The following HMGCLL1 variants were observed in gnomAD, a reference collection of about 807,000 sequenced individuals.
HMGCLL1 encodes the protein 3-hydroxymethyl-3-methylglutaryl-CoA lyase, cytoplasmic.
In HMGCLL1, 36 loss-of-function variants were observed where a neutral mutation model predicts 39.1. That is an observed-to-expected ratio of 0.92 (90% CI 0.71 to 1.22). The LOEUF is 1.22. Among genes scored for constraint, HMGCLL1 ranks in the 50% most tolerant of loss-of-function variants. The pLI, the probability that HMGCLL1 is intolerant of heterozygous loss-of-function variation, is 0.00. For synonymous variants in HMGCLL1, 149 were observed against 144.0 expected (o/e 1.03, Z -0.25); for missense variants, 451 against 416.5 (o/e 1.08, Z -0.72).
At chr6:55,436,712 G>A (rs1200365682) in intron 8 of HMGCLL1, among the ~76,000 whole-genome samples, 1 of 151,948 alleles carries the variant, frequency 6.6e-6, no homozygotes, top group African/African-American at 2.4e-5. Context: ...AAATAGACAA[G>A]TATAAAAACT....
rs376331863 is a variant in HMGCLL1, at chr6:55,495,576, T to C, written c.638A>G (p.Tyr213Cys). The C allele has an allele frequency of 2.5e-6, 4 of 1,612,466 alleles. No individual in the cohort carries two copies. Among genetic ancestry groups the C allele is most frequent in the Non-Finnish European group, 3.4e-6 (4 of 1,179,280 alleles). The change falls in exon 7 of 9, where the codon TAT becomes TGT. Residue 213 changes from tyrosine to cysteine, a missense_variant. By Grantham distance (194) the Tyr-to-Cys change is radical. Coordinates refer to ENST00000274901, the MANE Select transcript of HMGCLL1 (RefSeq NM_001042406.2). ...VSKRLYGMGC[Y>C]EISLGDTIGV... ...AATTGTGTCTCCTAGAGAGATCTCA[T>C]AACAACCCATGCCGTACAATCTCTT... is the stretch of plus-strand genomic sequence containing the variant.
chr6:55,530,880 A>G lies in HMGCLL1; in HGVS notation c.297+10849T>C, dbSNP rs1334926197. 2.0e-5 allele frequency among the ~76,000 whole-genome samples: 3 copies of G among 152,180 alleles called. No homozygotes were observed. In the East Asian group the frequency reaches 5.8e-4, roughly 29 times the overall value. ...TTTTTAAAAAATATTCAAATAACATAACTCTTTATGAACATCAGCCAAAAC... is the reference window on the plus strand; with the variant it reads ...TTTTTAAAAAATATTCAAATAACATGACTCTTTATGAACATCAGCCAAAAC... On this transcript the variant is annotated intron_variant, in intron 3 of 8. Transcript: ENST00000274901.
At chr6:55,663,929 T>A in the HMGCLL1 span, among the ~76,000 whole-genome samples, 2 of 151,920 alleles carry the variant, frequency 1.3e-5, no homozygotes, top group Admixed American at 6.6e-5. Flanking sequence ...TGTAATGCCC[T>A]TCTTTCTCTG....
At chr6:55,660,972 T>G in the HMGCLL1 span, among the ~76,000 whole-genome samples, 1 of 152,014 alleles carries the variant, frequency 6.6e-6, no homozygotes, top group South Asian at 2.1e-4. Context: ...ATCAGTAATA[T>G]TGAGCTGTTT....
the HMGCLL1 span, among the ~76,000 whole-genome samples, chr6:55,627,922 A>AATATATATATATAG: frequency 8.4e-4 from 2 of 2,368 alleles, no homozygotes; most frequent in African/African-American, 3.0e-3. Context: ...TATATATATA[A>AATATATATATATAG]TATATATACT....
At position 55,578,999 on chromosome 6, in the gene HMGCLL1, C is replaced by G. The variant is rs774541120; in HGVS notation, c.57G>C (p.Arg19=). 3.7e-6 allele frequency: 6 copies of G among 1,613,790 alleles called. No homozygotes were observed. The South Asian group carries it at 6.6e-5, about 18-fold the overall frequency. Residue 19 remains arginine, a synonymous_variant, in exon 1 of 9, where the codon CGG becomes CGC. Coordinates refer to ENST00000274901, the MANE Select transcript of HMGCLL1 (RefSeq NM_001042406.2). ...CTGAATCCCCGATCCAGAGATGCTC[C>G]CGGAGAAGCTGCTGGTAGCTGAGGC... The part of the protein sequence containing the change: ...KHCLSYQQLL[R]EHLWIGDSVA...
chr6:55,603,897 T>C, the HMGCLL1 span, among the ~76,000 whole-genome samples: 2 of 152,154 alleles, frequency 1.3e-5, no homozygotes, highest in African/African-American at 2.4e-5. Context: ...TTCTCGCATA[T>C]TGAAGTTAGA....
the HMGCLL1 span, among the ~76,000 whole-genome samples, chr6:55,659,115 C>T: frequency 4.0e-5 from 6 of 151,886 alleles, no homozygotes; most frequent in South Asian, 6.2e-4. Flanking sequence ...ATGAGAAATA[C>T]CATATCGTAT....
At chr6:55,585,785 C>G in the HMGCLL1 span, among the ~76,000 whole-genome samples, 3 of 152,054 alleles carry the variant, frequency 2.0e-5, no homozygotes, top group East Asian at 1.9e-4. Flanking sequence ...ACTACAGATA[C>G]TTTTAAAATT....
intron 1 of HMGCLL1, among the ~76,000 whole-genome samples, chr6:55,543,024 A>G (rs1380033737): frequency 8.5e-6 from 1 of 117,200 alleles, no homozygotes; most frequent in Non-Finnish European, 1.6e-5. Flanking sequence ...TCATATATAG[A>G]TATATAATAC....
chr6:55,539,713 G>C (rs866700475), intron 3 of HMGCLL1, among the ~76,000 whole-genome samples: 44 of 151,210 alleles, frequency 2.9e-4, no homozygotes, highest in Non-Finnish European at 5.5e-4. Flanking sequence ...GAGTTGAGGG[G>C]GGGAGGAGGA....
the HMGCLL1 span, among the ~76,000 whole-genome samples, chr6:55,633,059 T>C: frequency 2.0e-5 from 3 of 152,098 alleles, no homozygotes; most frequent in Admixed American, 6.6e-5. Flanking sequence ...ATAAAAATTG[T>C]ATTACTTTAA....
chr6:55,438,244 T>C (rs1430641373), intron 8 of HMGCLL1, among the ~76,000 whole-genome samples: 5 of 152,052 alleles, frequency 3.3e-5, no homozygotes, highest in Admixed American at 2.6e-4. Context: ...CCAGAGAAAA[T>C]AGGCAATAGC....
the HMGCLL1 span, among the ~76,000 whole-genome samples, chr6:55,627,899 A>T: frequency 0.045 from 981 of 21,588 alleles, 61 homozygotes; most frequent in East Asian, 0.12. Context: ...ATATATATAT[A>T]GTATATATAC....
chr6:55,642,529 G>A, the HMGCLL1 span, among the ~76,000 whole-genome samples: 1 of 152,048 alleles, frequency 6.6e-6, no homozygotes, highest in Admixed American at 6.6e-5. Flanking sequence ...AAACCAGCAT[G>A]CAATGCTTAA....
At chr6:55,582,888 C>T (rs1772009263), upstream of HMGCLL1, among the ~76,000 whole-genome samples, 2 of 152,010 alleles carry the variant, frequency 1.3e-5, no homozygotes, top group South Asian at 4.2e-4. Context: ...TGTATGTACA[C>T]ATACACACAT....
chr6:55,441,669 G>T (rs1189446085), intron 7 of HMGCLL1, among the ~76,000 whole-genome samples: 1 of 151,708 alleles, frequency 6.6e-6, no homozygotes, highest in African/African-American at 2.4e-5. Flanking sequence ...ATTTTGAGTA[G>T]TATAAGTCAT....
intron 1 of HMGCLL1, among the ~76,000 whole-genome samples, chr6:55,558,269 T>G (rs777558784): frequency 6.6e-6 from 1 of 152,222 alleles, no homozygotes; most frequent in Non-Finnish European, 1.5e-5. Context: ...GATGAAAGCT[T>G]CTTAAAATGA....
the HMGCLL1 span, among the ~76,000 whole-genome samples, chr6:55,669,180 A>G: frequency 6.6e-6 from 1 of 151,772 alleles, no homozygotes; most frequent in Non-Finnish European, 1.5e-5. Flanking sequence ...ACATGCCTGG[A>G]TCTATCATTA....
Sources: gnomAD v4.1 joint callset for allele counts (sites outside exome capture counted in the v4.1 genomes callset) on GRCh38, gnomAD v4.1.1 for gene constraint, MANE v1.5 for transcripts, NCBI Gene and HGNC (gene_info 2026-07-23, HGNC 2026-07-21) for gene names.